The following EEFSEC variants were observed in gnomAD, a reference collection of about 807,000 sequenced individuals.
The protein encoded by EEFSEC is eukaryotic elongation factor, selenocysteine-tRNA specific.
In EEFSEC, 43 loss-of-function variants were observed where a neutral mutation model predicts 42.1. The observed-to-expected ratio is 1.02, with a 90% CI of 0.80 to 1.32. The LOEUF (loss-of-function observed/expected upper bound fraction) is 1.32, where lower values mean the gene tolerates loss of function less well. Ranked by LOEUF, EEFSEC falls within the 40% of genes most tolerant of loss-of-function variation. The pLI, the probability that EEFSEC is intolerant of heterozygous loss-of-function variation, is 0.00. For missense variants in EEFSEC, 745 were observed against 803.6 expected, an observed-to-expected ratio of 0.93 and a Z score of 0.88; for synonymous variants, 354 against 339.1, an observed-to-expected ratio of 1.04 and a Z score of -0.48.
At chr3:128,165,518 G>T (rs953155646) in intron 1 of EEFSEC, among the ~76,000 whole-genome samples, 1 of 152,148 alleles carries the variant, frequency 6.6e-6, no homozygotes, top group Non-Finnish European at 1.5e-5. Context: ...TAGTTAATGT[G>T]GGTGATCCTC....
At chr3:128,393,326 G>C (rs1438900041) in intron 6 of EEFSEC, among the ~76,000 whole-genome samples, 1 of 152,226 alleles carries the variant, frequency 6.6e-6, no homozygotes, top group Non-Finnish European at 1.5e-5. Context: ...CTGGGAAAGA[G>C]GCCATGATGA....
Position 128,408,286 on chromosome 3 carries a change from C to T in EEFSEC, c.*27C>T. ...TGTCCGGTGACCTCCCCCAGGGCCT[C>T]CTTGCCCAGCCCAGTCCAGGCTGCT... On this transcript the variant is annotated 3_prime_UTR_variant, in exon 7 of 7. Transcript: ENST00000254730. 1.3e-6 allele frequency: 2 copies of T among 1,530,740 alleles called. No individual in the cohort carries two copies. Among genetic ancestry groups the T allele is most frequent in the Non-Finnish European group, 1.8e-6 (2 of 1,133,404 alleles). The allele number at this position is 1,530,740 out of a possible 1,614,324, so 94.8% of individuals were successfully genotyped here. A position where few individuals can be genotyped will look rare whatever the true frequency, so the allele number is the denominator to read the frequency against.
At position 128,284,889 on chromosome 3, in the gene EEFSEC, G is replaced by A. The variant is rs186452415; in HGVS notation, c.786+20108G>A. 1.3e-3 allele frequency among the ~76,000 whole-genome samples: 204 copies of A among 151,420 alleles called. 1 individual carries two copies. Among genetic ancestry groups the A allele is most frequent in the Middle Eastern group, 6.9e-3 (2 of 288 alleles). On this transcript the variant is annotated intron_variant, in intron 4 of 6. Coordinates refer to ENST00000254730, the MANE Select transcript of EEFSEC (RefSeq NM_021937.5). ...GAGCTATGTGTGCTTAACCTTAAGC[G>A]TTTAACCAGCATGCTTTAACGTTTT...
intron 1 of EEFSEC, among the ~76,000 whole-genome samples, chr3:128,215,867 T>C (rs1441738920): frequency 6.6e-6 from 1 of 152,100 alleles, no homozygotes; most frequent in Non-Finnish European, 1.5e-5. Flanking sequence ...CAGAAAGAGA[T>C]ATTTCCTAGT....
chr3:128,283,397 A>ATACTT (rs1273441314), intron 4 of EEFSEC, among the ~76,000 whole-genome samples: 2 of 152,236 alleles, frequency 1.3e-5, no homozygotes, highest in Non-Finnish European at 2.9e-5. Context: ...GTGAAAAGTC[A>ATACTT]GGGTACTTGT....
At chr3:128,328,551 T>A (rs546820378) in intron 4 of EEFSEC, among the ~76,000 whole-genome samples, 18 of 152,352 alleles carry the variant, frequency 1.2e-4, no homozygotes, top group Middle Eastern at 3.4e-3. Flanking sequence ...TGTAGTTTCT[T>A]GTCTGTAAGG....
intron 1 of EEFSEC, among the ~76,000 whole-genome samples, chr3:128,155,697 A>T (rs1226237014): frequency 1.3e-5 from 2 of 152,196 alleles, no homozygotes; most frequent in African/African-American, 2.4e-5. Flanking sequence ...TTGGTGGCAG[A>T]TGGCCTCATT....
At chr3:128,374,783 GA>G (rs1163736294) in intron 6 of EEFSEC, among the ~76,000 whole-genome samples, 2 of 152,116 alleles carry the variant, frequency 1.3e-5, no homozygotes, top group Non-Finnish European at 2.9e-5. Flanking sequence ...AAACCTGAAG[GA>G]ATTATAATTA....
At chr3:128,165,202 C>CT (rs1242330358) in intron 1 of EEFSEC, among the ~76,000 whole-genome samples, 1 of 152,210 alleles carries the variant, frequency 6.6e-6, no homozygotes, top group Admixed American at 6.5e-5. Context: ...AAATGAGGCT[C>CT]TGAGCAGTAG....
intron 4 of EEFSEC, among the ~76,000 whole-genome samples, chr3:128,298,765 C>T (rs991140648): frequency 2.6e-5 from 4 of 152,186 alleles, no homozygotes; most frequent in Non-Finnish European, 5.9e-5. Context: ...ACCACCAATC[C>T]ACTCTCTACC....
intron 1 of EEFSEC, among the ~76,000 whole-genome samples, chr3:128,243,415 C>A (rs754896460): frequency 2.6e-5 from 4 of 152,208 alleles, no homozygotes; most frequent in Admixed American, 6.5e-5. Context: ...CATTCCCCTA[C>A]TGGATAGTTG....
intron 4 of EEFSEC, among the ~76,000 whole-genome samples, chr3:128,277,605 C>T (rs1381386384): frequency 3.3e-5 from 5 of 152,228 alleles, no homozygotes; most frequent in Admixed American, 2.0e-4. Flanking sequence ...GGCAGCATAG[C>T]TACCTTAGCT....
At chr3:128,362,006 C>T (rs940699366) in intron 6 of EEFSEC, among the ~76,000 whole-genome samples, 37 of 152,300 alleles carry the variant, frequency 2.4e-4, no homozygotes, top group African/African-American at 8.4e-4. Flanking sequence ...GCTTTGCCCA[C>T]GGTCTGTCTG....
intron 1 of EEFSEC, among the ~76,000 whole-genome samples, chr3:128,165,277 C>T (rs1356959404): frequency 6.6e-6 from 1 of 152,180 alleles, no homozygotes; most frequent in East Asian, 1.9e-4. Context: ...CTGGCTTTGC[C>T]CAGAAGCTGC....
In EEFSEC at chr3:128,202,026, CTCTA is replaced by C. The variant is rs753013234; in HGVS notation, c.317-44808_317-44805del. 2.0e-5 allele frequency among the ~76,000 whole-genome samples: 3 copies of C among 152,048 alleles called. No individual in the cohort carries two copies. In the East Asian group the frequency reaches 5.8e-4, roughly 29 times the overall value. On this transcript the variant is annotated intron_variant, in intron 1 of 6. Transcript: ENST00000254730. ...ATTTAAGTGTAGGTCTATTTCTGGA[CTCTA>C]TTGTACTTTGATTTGTTTGTCTGTC...
intron 4 of EEFSEC, among the ~76,000 whole-genome samples, chr3:128,303,832 T>C (rs549201155): frequency 2.6e-5 from 4 of 152,328 alleles, no homozygotes; most frequent in African/African-American, 9.6e-5. Context: ...TTCTTTTGCA[T>C]GTAGCCTACC....
intron 4 of EEFSEC, 115 bp downstream of exon 4, chr3:128,264,896 C>T (rs973706236): frequency 7.0e-6 from 9 of 1,278,504 alleles, no homozygotes; most frequent in Non-Finnish European, 1.1e-6. Context: ...GGGACTCCCA[C>T]TGCCTGCTCC....
intron 1 of EEFSEC, among the ~76,000 whole-genome samples, chr3:128,200,028 C>G (rs2065626995): frequency 6.6e-6 from 1 of 152,122 alleles, no homozygotes; most frequent in Admixed American, 6.5e-5. Context: ...GCCACCGTGC[C>G]CAGCCTAAAA....
At chr3:128,401,115 C>G (rs1189800001) in intron 6 of EEFSEC, among the ~76,000 whole-genome samples, 2 of 152,166 alleles carry the variant, frequency 1.3e-5, no homozygotes, top group East Asian at 3.9e-4. Flanking sequence ...CCCTAGCCCA[C>G]CCTGCCAGGT....
Sources: gnomAD v4.1 joint callset for allele counts (sites outside exome capture counted in the v4.1 genomes callset) on GRCh38, gnomAD v4.1.1 for gene constraint, MANE v1.5 for transcripts, NCBI Gene and HGNC (gene_info 2026-07-23, HGNC 2026-07-21) for gene names.